Variants in DOCK1 observed in about 807,000 individuals in gnomAD.
DOCK1 encodes the protein dedicator of cytokinesis 1.
In DOCK1, 138 loss-of-function variants were observed where a neutral mutation model predicts 262.7. The observed-to-expected ratio is 0.53, with a 90% CI of 0.46 to 0.61. The LOEUF is 0.61. Ranked by LOEUF, DOCK1 falls within the 20% of genes least tolerant of loss-of-function variation. The pLI is 0.00. For missense variants in DOCK1, 1,908 were observed against 2,370.7 expected, an observed-to-expected ratio of 0.80 and a Z score of 4.05; for synonymous variants, 866 against 867.4, an observed-to-expected ratio of 1.00 and a Z score of 0.03.
intron 29 of DOCK1, among the ~76,000 whole-genome samples, chr10:127,279,892 T>A (rs2060880396): frequency 6.6e-6 from 1 of 151,994 alleles, no homozygotes; most frequent in Non-Finnish European, 1.5e-5. Context: ...TGGCGTTTTC[T>A]TAGTATCGCC....
chr10:127,110,045 G>A (rs956395536), intron 24 of DOCK1, among the ~76,000 whole-genome samples: 5 of 152,046 alleles, frequency 3.3e-5, no homozygotes, highest in Admixed American at 6.6e-5. Context: ...TTATAGGCAC[G>A]TTAGTGATTG....
intron 1 of DOCK1, among the ~76,000 whole-genome samples, chr10:126,965,214 G>C (rs1361012929): frequency 6.6e-6 from 1 of 152,148 alleles, no homozygotes; most frequent in Non-Finnish European, 1.5e-5. Context: ...AATTCTGTTA[G>C]GGCCTGGAAA....
Position 126,939,908 on chromosome 10 carries a change from G to A in DOCK1, c.47-30794G>A, listed in dbSNP as rs1312846773. 5.9e-5 allele frequency among the ~76,000 whole-genome samples: 9 copies of A among 152,276 alleles called. No homozygotes were observed. In the East Asian group the frequency reaches 1.4e-3, roughly 23 times the overall value. On this transcript the variant is annotated intron_variant, in intron 1 of 51. Coordinates refer to ENST00000623213, the MANE Select transcript of DOCK1 (RefSeq NM_001290223.2). ...CCCAATGAAGGAGACTGCTTCCTTT[G>A]TCCTTTGAAGGCCACGCCTACCTTG...
intron 27 of DOCK1, among the ~76,000 whole-genome samples, chr10:127,228,057 C>T (rs1590032109): frequency 6.6e-6 from 1 of 152,238 alleles, no homozygotes; most frequent in Non-Finnish European, 1.5e-5. Context: ...TTGAATTTTA[C>T]TGGCTGCCTT....
chr10:127,023,881 G>A (rs1411590033), intron 14 of DOCK1, among the ~76,000 whole-genome samples: 1 of 152,130 alleles, frequency 6.6e-6, no homozygotes, highest in African/African-American at 2.4e-5. Context: ...AAAAATGAAG[G>A]CCCTAAGAAA....
chr10:127,321,843 C>T (rs952821348), intron 29 of DOCK1, among the ~76,000 whole-genome samples: 2 of 152,144 alleles, frequency 1.3e-5, no homozygotes, highest in Non-Finnish European at 2.9e-5. Context: ...TGGCTCACAC[C>T]TGTAATCCCA....
In DOCK1 at chr10:126,914,505, T is replaced by G. The variant is rs183897300; in HGVS notation, c.46+8942T>G. Among the ~76,000 whole-genome samples, 383 of 152,284 alleles carry G rather than the reference T, an allele frequency of 2.5e-3. 1 individual carries two copies. Among genetic ancestry groups the G allele is most frequent in the Non-Finnish European group, 3.8e-3 (260 of 68,012 alleles). Reference sequence around the variant, plus strand: ...GCAGCCTTGAACTCCCAGGCTCAAGTGATCCTCCAACCCTGGCCTTCTGAG... The same window carrying G: ...GCAGCCTTGAACTCCCAGGCTCAAGGGATCCTCCAACCCTGGCCTTCTGAG... On this transcript the variant is annotated intron_variant, in intron 1 of 51. Transcript: ENST00000623213.
Position 127,186,515 on chromosome 10 carries a change from G to GC in DOCK1, c.2847+58760dup, listed in dbSNP as rs1412882423. Reference sequence around the variant, plus strand: ...ACAGCATGGGAGAAACCGCCCCCCCGCCCCCCCCCGATCCAGTTACCTCCA... The same window carrying GC: ...ACAGCATGGGAGAAACCGCCCCCCCGCCCCCCCCCCGATCCAGTTACCTCCA... On this transcript the variant is annotated intron_variant, in intron 27 of 51. Transcript: ENST00000623213. 4.8e-4 allele frequency among the ~76,000 whole-genome samples: 6 copies of GC among 12,582 alleles called. 1 individual carries two copies. Among genetic ancestry groups the GC allele is most frequent in the East Asian group, 3.4e-3 (2 of 594 alleles). The allele number at this position is 12,582 out of a possible 152,430, so 8.3% of individuals were successfully genotyped here.
chr10:127,335,617 G>A (rs1316407392), intron 29 of DOCK1, among the ~76,000 whole-genome samples: 2 of 151,248 alleles, frequency 1.3e-5, no homozygotes, highest in Non-Finnish European at 2.9e-5. Flanking sequence ...GTGCAGTCTC[G>A]GCTCACTGCA....
intron 1 of DOCK1, among the ~76,000 whole-genome samples, chr10:126,966,242 A>AT (rs1427529391): frequency 7.3e-4 from 111 of 152,118 alleles, no homozygotes; most frequent in Admixed American, 1.5e-3. Context: ...TATATACCAC[A>AT]TTTTTTTGTA....
chr10:126,970,522 G>C (rs572985924), intron 1 of DOCK1, among the ~76,000 whole-genome samples, 180 bp from the exon 2 acceptor site: 2 of 152,192 alleles, frequency 1.3e-5, no homozygotes, highest in South Asian at 4.2e-4. Flanking sequence ...TTAAACTATT[G>C]ACCCTTTATA....
chr10:127,412,695 C>T (rs541439970), intron 43 of DOCK1, among the ~76,000 whole-genome samples: 23 of 152,352 alleles, frequency 1.5e-4, no homozygotes, highest in East Asian at 1.4e-3. Context: ...CCCAGTCTCC[C>T]TCCCAATCCC....
chr10:127,183,892 A>T (rs1440271293), intron 27 of DOCK1, among the ~76,000 whole-genome samples: 1 of 152,184 alleles, frequency 6.6e-6, no homozygotes, highest in African/African-American at 2.4e-5. Context: ...CTTGACCAGC[A>T]GCTGTTGTGA....
chr10:127,099,639 C>T (rs1459453530), intron 23 of DOCK1, among the ~76,000 whole-genome samples: 2 of 152,106 alleles, frequency 1.3e-5, no homozygotes, highest in African/African-American at 4.8e-5. Flanking sequence ...CGCCAGCTCT[C>T]ACGTGAACTA....
chr10:127,018,959 C>A, intron 13 of DOCK1, 124 bp downstream of exon 13: 2 of 1,382,378 alleles, frequency 1.4e-6, no homozygotes, highest in Non-Finnish European at 1.9e-6. Context: ...TGGTAGGTGA[C>A]CCTGTAAGCC....
At chr10:126,981,826 C>A in intron 3 of DOCK1, 92 bp from the exon 4 acceptor site, 1 of 1,309,352 alleles carries the variant, frequency 7.6e-7, no homozygotes, top group Non-Finnish European at 1.1e-6. Context: ...ATCTAGCCAC[C>A]CCTCACCCCA....
chr10:127,439,093 T>C lies in DOCK1; in HGVS notation c.5127T>C (p.Asp1709=), dbSNP rs1375593753. 1 of 1,567,522 alleles carries C rather than the reference T, an allele frequency of 6.4e-7. No homozygotes were observed. The highest frequency in any genetic ancestry group is 1.4e-5 in the African/African-American group (1 of 73,772). ...HSRSQDKLDK[D]DLEKEKKDKK... ...GGTCCCAGGACAAGCTGGACAAGGA[T>C]GACCTGGAGAAGGAGAAGAAGGACA... The change falls in exon 49 of 52, where the codon GAT becomes GAC. Residue 1709 remains aspartate, a synonymous_variant. Transcript: ENST00000623213.
chr10:126,957,522 G>A (rs2036847180), intron 1 of DOCK1, among the ~76,000 whole-genome samples: 1 of 152,084 alleles, frequency 6.6e-6, no homozygotes, highest in Middle Eastern at 3.2e-3. Context: ...GTATCACTCT[G>A]TCACCCAGGC....
At position 127,447,464 on chromosome 10, in the gene DOCK1, C is replaced by T. The variant is rs755126443; in HGVS notation, c.5484C>T (p.Ser1828=). 1.3e-5 allele frequency: 21 copies of T among 1,613,544 alleles called. No individual in the cohort carries two copies. Among genetic ancestry groups the T allele is most frequent in the Admixed American group, 8.3e-5 (5 of 59,962 alleles). ...DVPPPLPLKG[S]VADYGNLMEN... ...CACCCCCTCTGCCTCTCAAAGGCAG[C>T]GTGGCAGATTACGGGAATTTGATGG... Residue 1828 remains serine, a synonymous_variant, in exon 51 of 52, where the codon AGC becomes AGT. Coordinates refer to ENST00000623213, the MANE Select transcript of DOCK1 (RefSeq NM_001290223.2).
Sources: allele counts gnomAD v4.1 joint callset (sites outside exome capture counted in the v4.1 genomes callset), GRCh38; gene constraint gnomAD v4.1.1; transcripts MANE v1.5; gene names NCBI Gene and HGNC (gene_info 2026-07-23, HGNC 2026-07-21).